Variants in ZDHHC7 observed in about 807,000 individuals in gnomAD.
ZDHHC7 encodes zDHHC palmitoyltransferase 7.
In ZDHHC7, 12 loss-of-function variants were observed where a neutral mutation model predicts 34.1. The ratio of observed to expected loss-of-function variants is 0.35; its 90% confidence interval spans 0.23 to 0.57. ZDHHC7 has a LOEUF of 0.57. Among genes scored for constraint, ZDHHC7 ranks in the 20% least tolerant of loss-of-function variants. The probability of loss-of-function intolerance (pLI) is 0.84; values close to 1 mark genes in which losing one functional copy is unlikely to be tolerated. For missense variants in ZDHHC7, 388 were observed against 402.7 expected, an observed-to-expected ratio of 0.96 and a Z score of 0.31; for synonymous variants, 185 against 155.4, an observed-to-expected ratio of 1.19 and a Z score of -1.42.
chr16:85,010,365 G>C (rs916713754), intron 1 of ZDHHC7, among the ~76,000 whole-genome samples: 8 of 152,278 alleles, frequency 5.3e-5, no homozygotes, highest in Middle Eastern at 3.4e-3. Flanking sequence ...TTTCAGGTAT[G>C]TAAACACTGT....
At chr16:84,984,028 T>C (rs868094779) in intron 3 of ZDHHC7, among the ~76,000 whole-genome samples, 1 of 150,178 alleles carries the variant, frequency 6.7e-6, no homozygotes, top group East Asian at 1.9e-4. Context: ...TTTTTTTTTT[T>C]CTTTTTGTTG....
chr16:85,007,260 C>T (rs919002915), intron 1 of ZDHHC7, among the ~76,000 whole-genome samples: 3 of 144,816 alleles, frequency 2.1e-5, no homozygotes, highest in East Asian at 1.9e-4. Context: ...CCCGTCTCTA[C>T]AAAAATACAA....
chr16:84,995,895 T>C (rs1201881178), intron 2 of ZDHHC7, 27 bp downstream of exon 2: 3 of 152,336 alleles, frequency 2.0e-5, no homozygotes, highest in South Asian at 2.1e-4. Flanking sequence ...GAAACAGTGA[T>C]TGGACCCTAA....
intron 4 of ZDHHC7, among the ~76,000 whole-genome samples, chr16:84,979,766 T>A (rs1374945921): frequency 6.6e-6 from 1 of 152,110 alleles, no homozygotes; most frequent in Non-Finnish European, 1.5e-5. Context: ...CACCCAGGCA[T>A]GAAGTCGTCT....
chr16:84,977,418 C>G (rs2072312467), intron 6 of ZDHHC7, 193 bp from the exon 7 acceptor site: 2 of 633,126 alleles, frequency 3.2e-6, no homozygotes, highest in African/African-American at 1.8e-5. Flanking sequence ...AAATTCATAC[C>G]ATGACTTCCT....
At chr16:85,012,991 TAAG>T (rs1441880725), upstream of ZDHHC7, among the ~76,000 whole-genome samples, 2 of 152,182 alleles carry the variant, frequency 1.3e-5, no homozygotes, top group African/African-American at 2.4e-5. Context: ...TGAAGGCAAT[TAAG>T]AAGCGACAAA....
At chr16:85,013,636 T>C (rs2072822020), upstream of ZDHHC7, among the ~76,000 whole-genome samples, 1 of 152,212 alleles carries the variant, frequency 6.6e-6, no homozygotes, top group Admixed American at 6.5e-5. Context: ...TATGAATATA[T>C]GAGATGTACA....
In ZDHHC7 at chr16:84,976,059, A is replaced by G; in HGVS notation, c.*284T>C. Reference sequence around the variant, plus strand: ...GACCCAGGATTTGAATAACCCATGTAATAACCCGAAGTATTCTCCACAGAA... The same window carrying G: ...GACCCAGGATTTGAATAACCCATGTGATAACCCGAAGTATTCTCCACAGAA... On this transcript the variant is annotated 3_prime_UTR_variant, in exon 8 of 8. Transcript: ENST00000313732. The G allele has an allele frequency of 2.4e-6, 1 of 413,714 alleles. No homozygotes were observed. The highest frequency in any genetic ancestry group is 4.3e-6 in the Non-Finnish European group (1 of 231,930). 25.6% of individuals were successfully genotyped at this position (413,714 alleles called of 1,614,324 possible). A position where few individuals can be genotyped will look rare whatever the true frequency, so the allele number is the denominator to read the frequency against.
intron 2 of ZDHHC7, among the ~76,000 whole-genome samples, chr16:84,991,624 G>T (rs945079690): frequency 6.7e-6 from 1 of 149,890 alleles, no homozygotes; most frequent in African/African-American, 2.5e-5. Flanking sequence ...TGTTTTTGTT[G>T]TTTTGGGAAC....
rs750518359 is a variant in ZDHHC7, at chr16:84,990,327, G to A, written c.292C>T (p.Leu98=). The A allele has an allele frequency of 2.5e-4, 400 of 1,613,950 alleles. 1 individual carries two copies. Among genetic ancestry groups the A allele is most frequent in the Non-Finnish European group, 3.2e-4 (383 of 1,179,984 alleles). The part of the protein sequence containing the change: ...CLAVLALSSH[L]RTMLTDPGAV... ...ACAGGGTCGGTGAGCATGGTTCTCA[G>A]GTGGGATGACAGGGCAAGCACGGCC... Residue 98 remains leucine (L), a synonymous_variant, in exon 3 of 8, where the codon CTG becomes TTG. Transcript: ENST00000313732.
At chr16:85,006,094 C>T (rs146665176) in intron 1 of ZDHHC7, among the ~76,000 whole-genome samples, 92 of 152,114 alleles carry the variant, frequency 6.0e-4, no homozygotes, top group Non-Finnish European at 1.1e-3. Context: ...CCAGAGGTGG[C>T]GGCTCACACT....
At chr16:85,001,650 C>T (rs1420114571) in intron 1 of ZDHHC7, among the ~76,000 whole-genome samples, 2 of 151,980 alleles carry the variant, frequency 1.3e-5, no homozygotes, top group Non-Finnish European at 2.9e-5. Flanking sequence ...GGTTAGCATC[C>T]ACACATATAT....
Position 85,010,125 on chromosome 16 carries a change from T to C in ZDHHC7, c.-104+1161A>G, listed in dbSNP as rs1446165528. 7.3e-5 allele frequency among the ~76,000 whole-genome samples: 11 copies of C among 150,544 alleles called. 1 individual carries two copies. The highest frequency in any genetic ancestry group is 2.7e-4 in the African/African-American group (11 of 40,786). On this transcript the variant is annotated intron_variant, in intron 1 of 7. Transcript: ENST00000313732. ...GTGGCATGATCTCAAACTCAAGTGA[T>C]CCCCCCACCTCAGCCTCCCAAGCAG... is the stretch of plus-strand genomic sequence containing the variant.
At chr16:85,015,385 G>A (rs1174948075), upstream of ZDHHC7, among the ~76,000 whole-genome samples, 1 of 152,118 alleles carries the variant, frequency 6.6e-6, no homozygotes, top group African/African-American at 2.4e-5. Flanking sequence ...ACAGATGTGA[G>A]CCACCACGCA....
intron 1 of ZDHHC7, among the ~76,000 whole-genome samples, chr16:85,004,161 C>G (rs896027180): frequency 2.0e-5 from 3 of 152,024 alleles, no homozygotes; most frequent in Non-Finnish European, 4.4e-5. Flanking sequence ...CGACCCCACT[C>G]TTTCCCATCT....
chr16:85,005,433 C>T (rs2072706014), intron 1 of ZDHHC7, among the ~76,000 whole-genome samples: 1 of 152,298 alleles, frequency 6.6e-6, no homozygotes, highest in Middle Eastern at 3.4e-3. Flanking sequence ...AGGAGATTTA[C>T]ACACGTGACC....
chr16:85,005,411 A>G (rs142908607), intron 1 of ZDHHC7, among the ~76,000 whole-genome samples: 87 of 152,304 alleles, frequency 5.7e-4, no homozygotes, highest in Non-Finnish European at 2.6e-4. Flanking sequence ...CTGAGCATCT[A>G]CTCTGTTTGT....
intron 3 of ZDHHC7, among the ~76,000 whole-genome samples, chr16:84,987,988 T>G (rs7193768): frequency 8.9e-4 from 136 of 152,158 alleles, no homozygotes; most frequent in African/African-American, 3.1e-3. Context: ...GCTAACACGG[T>G]GAAACCCCGT....
intron 3 of ZDHHC7, chr16:84,988,891 A>C: frequency 6.4e-7 from 1 of 1,551,216 alleles, no homozygotes; most frequent in Non-Finnish European, 8.7e-7. Context: ...GCAATATTCC[A>C]GTAAAAATCG....
Sources: allele counts gnomAD v4.1 joint callset (sites outside exome capture counted in the v4.1 genomes callset), GRCh38; gene constraint gnomAD v4.1.1; transcripts MANE v1.5; gene names NCBI Gene and HGNC (gene_info 2026-07-23, HGNC 2026-07-21).